GPR17: variants seen among roughly 807,000 people sequenced by gnomAD.
The protein encoded by GPR17 is G protein-coupled receptor 17.
GPR17 carries 4 observed loss-of-function variants against 1.5 expected under a neutral mutation model. The ratio of observed to expected loss-of-function variants is 2.73; its 90% CI spans 1.35 to 6.25. The LOEUF (loss-of-function observed/expected upper bound fraction) is 6.25. GPR17 is among the 30% of genes most tolerant of loss of function. GPR17 has a pLI of 0.00. For synonymous variants in GPR17, 209 were observed against 207.6 expected (o/e 1.01, Z -0.06); for missense variants, 463 against 462.1 (o/e 1.00, Z -0.02).
At chr2:127,649,809 A>G in intron 1 of GPR17, 1 of 570,544 alleles carries the variant, frequency 1.8e-6, no homozygotes, top group Non-Finnish European at 3.1e-6. Flanking sequence ...GCAAGCCACG[A>G]GGCCTCCAGG....
chr2:127,649,948 C>T lies in GPR17; in HGVS notation c.-20-768C>T, dbSNP rs1683545165. The T allele has an allele frequency of 5.8e-6, 8 of 1,384,654 alleles. No homozygotes were observed. The African/African-American group carries it at 8.6e-5, about 15-fold the overall frequency. The allele number at this position is 1,384,654 out of a possible 1,614,324, so 85.8% of individuals were successfully genotyped here. A position where few individuals can be genotyped will look rare whatever the true frequency, so the allele number is the denominator to read the frequency against. Reference sequence around the variant, plus strand: ...TGGATCTACTCTGGGAGAGAAAATACTCCCAGCTGGCCTGATACCCAGGCA... The same window carrying T: ...TGGATCTACTCTGGGAGAGAAAATATTCCCAGCTGGCCTGATACCCAGGCA... On this transcript the variant is annotated intron_variant, in intron 1 of 1. Coordinates refer to ENST00000486700, the MANE Select transcript of GPR17 (RefSeq NM_001161417.2).
Position 127,651,943 on chromosome 2 carries a change from C to A in GPR17, c.*188C>A. 1 of 631,364 alleles carries A rather than the reference C, an allele frequency of 1.6e-6. No individual in the cohort carries two copies. Among genetic ancestry groups the A allele is most frequent in the Non-Finnish European group, 2.8e-6 (1 of 353,508 alleles). 39.1% of individuals were successfully genotyped at this position (631,364 alleles called of 1,614,324 possible). On this transcript the variant is annotated 3_prime_UTR_variant, in exon 2 of 2. Transcript: ENST00000486700. ...GAACTGACAAAGGGGATCCATCGGCCACCCCTCTGCAGGGGCTTGTGATGG... is the reference window on the plus strand; with the variant it reads ...GAACTGACAAAGGGGATCCATCGGCAACCCCTCTGCAGGGGCTTGTGATGG...
chr2:127,650,486 G>A, intron 1 of GPR17: 1 of 566,620 alleles, frequency 1.8e-6, no homozygotes, highest in Non-Finnish European at 3.1e-6. Flanking sequence ...CTGCATAGCG[G>A]CGAAATTCCA....
At position 127,647,067 on chromosome 2, in the gene GPR17, G is replaced by A. The variant is rs887010664; in HGVS notation, c.-21+823G>A. On this transcript the variant is annotated intron_variant, in intron 1 of 1. Coordinates refer to ENST00000486700, the MANE Select transcript of GPR17 (RefSeq NM_001161417.2). The surrounding 1 kb of genome is among the most constrained non-coding windows in gnomAD (Gnocchi z 4.3). ...CCAGGCTGAGGCCCCCGGGCTGGAG[G>A]CAGGAGGCACCACAGGCCCACCTGG... 2.6e-5 allele frequency among the ~76,000 whole-genome samples: 4 copies of A among 152,134 alleles called. No homozygotes were observed. The South Asian group carries it at 6.2e-4, about 24-fold the overall frequency.
chr2:127,651,889 A>T lies in GPR17; in HGVS notation c.*134A>T. ...CAGCAGATGCCCACCATTTCTCTAG[A>T]TCGCCTAGTCTCAACCCATAAAAAG... On this transcript the variant is annotated 3_prime_UTR_variant, in exon 2 of 2. Coordinates refer to ENST00000486700, the MANE Select transcript of GPR17 (RefSeq NM_001161417.2). 2.5e-6 allele frequency: 2 copies of T among 810,368 alleles called. No homozygotes were observed. The highest frequency in any genetic ancestry group is 5.4e-5 in the Admixed American group (2 of 36,812). The allele number at this position is 810,368 out of a possible 1,614,324, so 50.2% of individuals were successfully genotyped here. A position where few individuals can be genotyped will look rare whatever the true frequency, so the allele number is the denominator to read the frequency against.
In GPR17 at chr2:127,648,843, C is replaced by T. The variant is rs934272395; in HGVS notation, c.-20-1873C>T. 4.0e-5 allele frequency among the ~76,000 whole-genome samples: 6 copies of T among 150,890 alleles called. No individual in the cohort carries two copies. The East Asian group carries it at 1.2e-3, about 30-fold the overall frequency. On this transcript the variant is annotated intron_variant, in intron 1 of 1. Coordinates refer to ENST00000486700, the MANE Select transcript of GPR17 (RefSeq NM_001161417.2). ...GGTTGAGGTGGGAGGATCACTTGAG[C>T]CCTGGAGGTTGAGGCTGCAGTGAGC...
At chr2:127,650,443 G>A (rs745504909) in intron 1 of GPR17, 52 of 547,088 alleles carry the variant, frequency 9.5e-5, no homozygotes, top group Non-Finnish European at 1.6e-4. Context: ...CAGCTCTGAG[G>A]AGCCTCAGAT....
intron 1 of GPR17, chr2:127,650,328 C>A: frequency 1.8e-6 from 1 of 561,604 alleles, no homozygotes; most frequent in Non-Finnish European, 3.2e-6. Flanking sequence ...CCTCACCACC[C>A]CTGTCACTCA....
intron 1 of GPR17, chr2:127,649,834 C>G (rs1047851966): frequency 3.3e-6 from 2 of 605,138 alleles, no homozygotes; most frequent in African/African-American, 3.7e-5. Flanking sequence ...TCTGGGGCTG[C>G]AGATCCGTCC....
Position 127,650,966 on chromosome 2 carries a change from C to T in GPR17, c.231C>T (p.Asp77=). The change falls in exon 2 of 2, where the codon GAC becomes GAT. Residue 77 remains aspartate (D), a synonymous_variant. Transcript: ENST00000486700. ...NVFLMHLAVA[D]LSCVLVLPTR... ...TCCTGATGCATCTGGCCGTGGCCGA[C>T]TTGTCGTGCGTGCTGGTCCTGCCCA... 6.2e-7 allele frequency: 1 copy of T among 1,613,896 alleles called. No homozygotes were observed. The highest frequency in any genetic ancestry group is 8.5e-7 in the Non-Finnish European group (1 of 1,180,048).
rs574964486 is a variant in GPR17, at chr2:127,647,124, C to T, written c.-21+880C>T. Among the ~76,000 whole-genome samples, 3 of 152,342 alleles carry T rather than the reference C, an allele frequency of 2.0e-5. No homozygotes were observed. In the East Asian group the frequency reaches 5.8e-4, roughly 29 times the overall value. On this transcript the variant is annotated intron_variant, in intron 1 of 1. Coordinates refer to ENST00000486700, the MANE Select transcript of GPR17 (RefSeq NM_001161417.2). The surrounding 1 kb of genome is among the most constrained non-coding windows in gnomAD (Gnocchi z 4.3). The stretch of plus-strand genomic sequence containing the variant: ...GAGATATGCCACCCCTGCCGTCACT[C>T]AGGGCCCTGAGCCCAGTAACACTCT...
In GPR17 at chr2:127,650,792, G is replaced by A. The variant is rs61738383; in HGVS notation, c.57G>A (p.Thr19=). Residue 19 remains threonine (T), a synonymous_variant, in exon 2 of 2, where the codon ACG becomes ACA. Coordinates refer to ENST00000486700, the MANE Select transcript of GPR17 (RefSeq NM_001161417.2). ...PGLITNFSLA[T]AEQCGQETPL... ...TGATCACCAACTTCTCCCTGGCCAC[G>A]GCAGAGCAATGTGGCCAGGAGACGC... 5.6e-4 allele frequency: 905 copies of A among 1,613,186 alleles called. 5 individuals are homozygous for A. In the African/African-American group the frequency reaches 8.4e-3, roughly 15 times the overall value.
At chr2:127,646,320 C>A (rs1682974193) in intron 1 of GPR17, 76 bp downstream of exon 1, 1 of 152,282 alleles carries the variant, frequency 6.6e-6, no homozygotes, top group Admixed American at 6.5e-5. Context: ...GAGCCCTGCC[C>A]AGGGAGACAG....
At chr2:127,649,211 G>GGAAGGAAGGAAGGAAGGAAGGAAC (rs1488313626) in intron 1 of GPR17, among the ~76,000 whole-genome samples, 3 of 150,604 alleles carry the variant, frequency 2.0e-5, no homozygotes, top group Admixed American at 1.3e-4. Context: ...AAGGAAGGAA[G>GGAAGGAAGGAAGGAAGGAAGGAAC]GGCAGGGAGA....
At position 127,651,649 on chromosome 2, in the gene GPR17, G is replaced by A. The variant is rs201452952; in HGVS notation, c.914G>A (p.Arg305His). The change falls in exon 2 of 2, where the codon CGC becomes CAC. Residue 305 changes from arginine (R) to histidine (H), a missense_variant. Transcript: ENST00000486700. ...IMYFFVAEKF[R>H]HALCNLLCGK... ...TATTTCTTCGTGGCTGAGAAGTTCC[G>A]CCACGCCCTGTGCAACTTGCTCTGT... 622 of 1,613,316 alleles carry A rather than the reference G, an allele frequency of 3.9e-4. 1 individual carries two copies. The highest frequency in any genetic ancestry group is 3.2e-4 in the Non-Finnish European group (378 of 1,180,036).
In GPR17 at chr2:127,651,103, C is replaced by T. The variant is rs902189141; in HGVS notation, c.368C>T (p.Thr123Ile). The T allele has an allele frequency of 1.2e-6, 2 of 1,613,670 alleles. No individual in the cohort carries two copies. The highest frequency in any genetic ancestry group is 1.1e-5 in the South Asian group (1 of 91,092). The change falls in exon 2 of 2, where the codon ACC (threonine) becomes ATC (isoleucine). Residue 123 changes from threonine to isoleucine, a missense_variant. Coordinates refer to ENST00000486700, the MANE Select transcript of GPR17 (RefSeq NM_001161417.2). ...ATGTACGCCAGCATCTACTTCCTCA[C>T]CTGCATCAGCGCCGACCGTTTCCTG... ...LNMYASIYFL[T>I]CISADRFLAI...
At chr2:127,648,639 T>C (rs1049004728) in intron 1 of GPR17, among the ~76,000 whole-genome samples, 5 of 152,228 alleles carry the variant, frequency 3.3e-5, no homozygotes, top group South Asian at 2.1e-4. Flanking sequence ...CAGTGACTCA[T>C]GCCTGTAATC....
chr2:127,650,888 G>C lies in GPR17; in HGVS notation c.153G>C (p.Leu51=). ...TCCTGGCTTTAGTTGGCAATACCCT[G>C]GCTCTGTGGCTTTTCATCCGAGACC... The part of the protein sequence containing the change: ...DFILALVGNT[L]ALWLFIRDHK... Residue 51 remains leucine, a synonymous_variant, in exon 2 of 2, where the codon CTG becomes CTC. Coordinates refer to ENST00000486700, the MANE Select transcript of GPR17 (RefSeq NM_001161417.2). The C allele has an allele frequency of 6.2e-7, 1 of 1,614,082 alleles. No homozygotes were observed. Among genetic ancestry groups the C allele is most frequent in the South Asian group, 1.1e-5 (1 of 91,082 alleles).
At position 127,652,474 on chromosome 2, in the gene GPR17, A is replaced by G. The variant is rs1213522822; in HGVS notation, c.*719A>G. ...CAGTCACGGGAGCTCAGCTCAGGCCAGGGCTGGGCTGTGCACCTGCCTCCC... is the reference window on the plus strand; with the variant it reads ...CAGTCACGGGAGCTCAGCTCAGGCCGGGGCTGGGCTGTGCACCTGCCTCCC... On this transcript the variant is annotated 3_prime_UTR_variant, in exon 2 of 2. Transcript: ENST00000486700. 6.0e-6 allele frequency: 1 copy of G among 167,040 alleles called. No homozygotes were observed. Among genetic ancestry groups the G allele is most frequent in the Admixed American group, 6.5e-5 (1 of 15,298 alleles). The allele number at this position is 167,040 out of a possible 1,614,324, so 10.3% of individuals were successfully genotyped here.
Sources: allele counts gnomAD v4.1 joint callset (sites outside exome capture counted in the v4.1 genomes callset), GRCh38; gene constraint gnomAD v4.1.1; non-coding constraint Gnocchi (gnomAD v3.1); transcripts MANE v1.5; gene names NCBI Gene and HGNC (gene_info 2026-07-23, HGNC 2026-07-21).